Variants in SH3RF3 observed in about 807,000 individuals in gnomAD.
SH3RF3 encodes SH3 domain containing ring finger 3, also known as E3 ubiquitin-protein ligase SH3RF3.
A neutral mutation model predicts 66.3 loss-of-function variants in SH3RF3; 29 were observed. The observed-to-expected ratio is 0.44, with a 90% CI of 0.33 to 0.60. The LOEUF is 0.60. Among genes scored for constraint, SH3RF3 ranks in the 20% least tolerant of loss-of-function variants. The pLI is 0.04. For missense variants in SH3RF3, 1,194 were observed against 1,190.9 expected (o/e 1.00, Z -0.04); for synonymous variants, 583 against 532.0 (o/e 1.10, Z -1.32).
At chr2:109,300,414 A>G (rs979138972) in intron 1 of SH3RF3, among the ~76,000 whole-genome samples, 38 of 152,190 alleles carry the variant, frequency 2.5e-4, no homozygotes, top group Middle Eastern at 3.4e-3. Context: ...TCCTCACCTC[A>G]AGTGATCCAC....
intron 8 of SH3RF3, among the ~76,000 whole-genome samples, chr2:109,454,764 C>T (rs2104657586): frequency 6.6e-6 from 1 of 152,212 alleles, no homozygotes; most frequent in East Asian, 1.9e-4. Context: ...TGTGCGAGTC[C>T]TGACATAAAA....
chr2:109,347,952 A>G lies in SH3RF3; in HGVS notation c.849+3A>G, dbSNP rs776482554. The G allele has an allele frequency of 4.2e-5, 67 of 1,595,790 alleles. No individual in the cohort carries two copies. The highest frequency in any genetic ancestry group is 5.5e-5 in the Non-Finnish European group (65 of 1,171,576). On this transcript the variant is annotated splice_donor_region_variant and intron_variant, in intron 2 of 9. Coordinates refer to ENST00000309415, the MANE Select transcript of SH3RF3 (RefSeq NM_001099289.3). ...AGGACTGTCTGACCTTCACCAAGGT[A>G]AGGTGAGCCCCGGGGTGGGCCCCGC...
chr2:109,381,032 G>A (rs1438004856), intron 3 of SH3RF3, among the ~76,000 whole-genome samples: 1 of 152,236 alleles, frequency 6.6e-6, no homozygotes, highest in African/African-American at 2.4e-5. Context: ...AGCAGTAGTT[G>A]TGAAATTGTG....
At chr2:109,242,831 G>A (rs903181379) in intron 1 of SH3RF3, among the ~76,000 whole-genome samples, 3 of 152,130 alleles carry the variant, frequency 2.0e-5, no homozygotes, top group Non-Finnish European at 4.4e-5. Flanking sequence ...GGCCCAAATA[G>A]AGCAATAGGG....
intron 3 of SH3RF3, among the ~76,000 whole-genome samples, chr2:109,387,217 T>C (rs953580838): frequency 6.6e-6 from 1 of 152,220 alleles, no homozygotes; most frequent in Non-Finnish European, 1.5e-5. Flanking sequence ...GCTTTTCTCA[T>C]TAAATTGTGA....
intron 1 of SH3RF3, among the ~76,000 whole-genome samples, chr2:109,297,838 C>T (rs944021577): frequency 6.6e-6 from 1 of 151,606 alleles, no homozygotes. Context: ...GGACAGTGCC[C>T]CCGACCTGGG....
intron 1 of SH3RF3, among the ~76,000 whole-genome samples, chr2:109,241,745 G>A (rs1489408552): frequency 1.3e-5 from 2 of 151,652 alleles, no homozygotes; most frequent in African/African-American, 2.4e-5. Flanking sequence ...CCCACCCTGC[G>A]TGTTTCCCTA....
intron 1 of SH3RF3, among the ~76,000 whole-genome samples, chr2:109,286,299 G>C (rs141009876): frequency 6.6e-6 from 1 of 152,204 alleles, no homozygotes; most frequent in Admixed American, 6.5e-5. Context: ...TGTGGTCAAG[G>C]GATGTGTTTG....
rs75240739 is a variant in SH3RF3 at position 109,377,631 on chromosome 2, T to C, written c.945+5950T>C. 6.3e-3 allele frequency among the ~76,000 whole-genome samples: 963 copies of C among 152,336 alleles called. 10 individuals are homozygous for C. The highest frequency in any genetic ancestry group is 0.047 in the East Asian group (245 of 5,178). On this transcript the variant is annotated intron_variant, in intron 3 of 9. Transcript: ENST00000309415. Reference sequence around the variant, plus strand: ...TAATGGCAGCCAACATGAAAATCTTTATTTAGTGAAATAATATAATACCCA... The same window carrying C: ...TAATGGCAGCCAACATGAAAATCTTCATTTAGTGAAATAATATAATACCCA...
chr2:109,493,316 C>T (rs971133264), intron 9 of SH3RF3, among the ~76,000 whole-genome samples: 5 of 148,438 alleles, frequency 3.4e-5, no homozygotes, highest in East Asian at 2.1e-4. Context: ...TGCAAATATA[C>T]GTACACCATA....
At chr2:109,261,557 A>G (rs984924288) in intron 1 of SH3RF3, among the ~76,000 whole-genome samples, 22 of 152,134 alleles carry the variant, frequency 1.4e-4, no homozygotes, top group African/African-American at 4.8e-4. Context: ...GACAAACACA[A>G]ACAAGTGCAT....
At chr2:109,349,091 T>G (rs1682784914) in intron 2 of SH3RF3, among the ~76,000 whole-genome samples, 1 of 152,170 alleles carries the variant, frequency 6.6e-6, no homozygotes, top group Non-Finnish European at 1.5e-5. Flanking sequence ...AACTCGAATC[T>G]CTGCTTCTAA....
chr2:109,298,619 G>A (rs1681383364), intron 1 of SH3RF3, among the ~76,000 whole-genome samples: 1 of 152,080 alleles, frequency 6.6e-6, no homozygotes, highest in Non-Finnish European at 1.5e-5. Context: ...TGAAAGGGGT[G>A]TCAGTCAAAT....
chr2:109,226,698 CT>C (rs1460109094), intron 1 of SH3RF3, among the ~76,000 whole-genome samples: 1 of 152,152 alleles, frequency 6.6e-6, no homozygotes, highest in Non-Finnish European at 1.5e-5. Context: ...CCGTTTGCTC[CT>C]AAGTCTTTGC....
chr2:109,129,937 G>A lies in SH3RF3; in HGVS notation c.397G>A (p.Gly133Ser), dbSNP rs1238181452. The part of the protein sequence containing the change: ...QRPRAGTSPG[G>S]SPPARPIPGQ... ...GCCCCGCGCGGGCACCAGCCCCGGCGGCAGCCCGCCCGCGCGTCCCATCCC... is the reference window on the plus strand; with the variant it reads ...GCCCCGCGCGGGCACCAGCCCCGGCAGCAGCCCGCCCGCGCGTCCCATCCC... The change falls in exon 1 of 10, where the codon GGC (glycine) becomes AGC (serine). Residue 133 changes from glycine (G) to serine (S), a missense_variant. Gly to Ser is a moderately conservative substitution (Grantham distance 56). Coordinates refer to ENST00000309415, the MANE Select transcript of SH3RF3 (RefSeq NM_001099289.3). 8 of 1,479,018 alleles carry A rather than the reference G, an allele frequency of 5.4e-6. No individual in the cohort carries two copies. The highest frequency in any genetic ancestry group is 7.1e-6 in the Non-Finnish European group (8 of 1,121,764). 91.6% of individuals were successfully genotyped at this position (1,479,018 alleles called of 1,614,324 possible).
intron 1 of SH3RF3, among the ~76,000 whole-genome samples, chr2:109,199,078 G>T (rs1678577037): frequency 6.6e-6 from 1 of 152,038 alleles, no homozygotes; most frequent in Non-Finnish European, 1.5e-5. Flanking sequence ...GGTCTTGGGG[G>T]TCCAGGCATG....
intron 1 of SH3RF3, among the ~76,000 whole-genome samples, chr2:109,322,371 A>G (rs1428155577): frequency 6.6e-6 from 1 of 152,208 alleles, no homozygotes; most frequent in Non-Finnish European, 1.5e-5. Flanking sequence ...AAATGTTCCC[A>G]CAGGCAGACT....
intron 1 of SH3RF3, among the ~76,000 whole-genome samples, chr2:109,219,663 G>A (rs949142016): frequency 3.3e-5 from 5 of 152,200 alleles, no homozygotes; most frequent in Non-Finnish European, 7.4e-5. Context: ...TGAACAATCC[G>A]AAAAGGAAAT....
chr2:109,370,229 C>CTCTG (rs1559047244), intron 2 of SH3RF3, among the ~76,000 whole-genome samples: 1 of 139,474 alleles, frequency 7.2e-6, no homozygotes, highest in East Asian at 2.0e-4. Context: ...CTGTCTCTGT[C>CTCTG]TCTCTCTCTC....
Sources: gnomAD v4.1 joint callset for allele counts (sites outside exome capture counted in the v4.1 genomes callset) on GRCh38, gnomAD v4.1.1 for gene constraint, MANE v1.5 for transcripts, NCBI Gene and HGNC (gene_info 2026-07-23, HGNC 2026-07-21) for gene names.